Variants in UCP3 observed in about 807,000 individuals in gnomAD.
The protein encoded by UCP3 is uncoupling protein 3.
UCP3 carries 24 observed loss-of-function variants against 28.1 expected under a neutral mutation model. The observed-to-expected ratio is 0.85, with a 90% CI of 0.62 to 1.20. The LOEUF is 1.20. UCP3 is among the 50% of genes most tolerant of loss of function. UCP3 has a pLI of 0.00. For missense variants in UCP3, 397 were observed against 422.2 expected (o/e 0.94, Z 0.52); for synonymous variants, 184 against 171.2 (o/e 1.07, Z -0.59).
chr11:74,003,683 C>A, intron 6 of UCP3, 144 bp downstream of exon 6: 1 of 1,457,630 alleles, frequency 6.9e-7, no homozygotes, highest in Non-Finnish European at 9.0e-7. Context: ...CTTTTACTTG[C>A]ATGGTTTTTT....
chr11:74,003,420 T>A, intron 6 of UCP3: 3 of 985,544 alleles, frequency 3.0e-6, no homozygotes, highest in Non-Finnish European at 3.6e-6. Flanking sequence ...TGGCTAAAAT[T>A]GACAGCCTGT....
At position 74,006,154 on chromosome 11, in the gene UCP3, G is replaced by C. The variant is rs1451341684; in HGVS notation, c.337+15C>G. 6.2e-7 allele frequency: 1 copy of C among 1,613,888 alleles called. No individual in the cohort carries two copies. Among genetic ancestry groups the C allele is most frequent in the African/African-American group, 1.3e-5 (1 of 75,050 alleles). ...TTCAGCCACCCCTTTGGTGTTCAGG[G>C]ACCTGGTCACTCACTGTCCGCGCCT... On this transcript the variant is annotated intron_variant, in intron 3 of 6. Coordinates refer to ENST00000314032, the MANE Select transcript of UCP3 (RefSeq NM_003356.4).
chr11:74,006,137 C>T, intron 3 of UCP3, 32 bp downstream of exon 3: 1 of 1,612,668 alleles, frequency 6.2e-7, no homozygotes, highest in Non-Finnish European at 8.5e-7. Context: ...CTTTCAGCCA[C>T]CCCTTTGGTG....
chr11:74,007,556 C>T (rs1432709335), intron 1 of UCP3, among the ~76,000 whole-genome samples: 6 of 152,074 alleles, frequency 3.9e-5, no homozygotes, highest in African/African-American at 7.2e-5. Context: ...TTCAGCCTCC[C>T]GAGTAGCTGG....
Position 74,000,975 on chromosome 11 carries a change from A to G in UCP3, c.*437T>C, listed in dbSNP as rs647126. 116,802 of 204,644 alleles carry G rather than the reference A, an allele frequency of 0.57. 34,883 individuals are homozygous for G. Among genetic ancestry groups the G allele is most frequent in the African/African-American group, 0.78 (33,249 of 42,560 alleles). The allele number at this position is 204,644 out of a possible 1,614,324, so 12.7% of individuals were successfully genotyped here. A position where few individuals can be genotyped will look rare whatever the true frequency, so the allele number is the denominator to read the frequency against. ...CGCCAGCTCTGTGTTGCTGGGTGGC[A>G]TCCCTCCAGGCTCCGTGGCTGATCT... On this transcript the variant is annotated 3_prime_UTR_variant, in exon 7 of 7. Coordinates refer to ENST00000314032, the MANE Select transcript of UCP3 (RefSeq NM_003356.4).
chr11:74,006,409 C>A, intron 2 of UCP3, 30 bp from the exon 3 acceptor site: 1 of 1,511,076 alleles, frequency 6.6e-7, no homozygotes, highest in East Asian at 2.3e-5. Flanking sequence ...GGTGAGGACT[C>A]AGATGGGAAG....
intron 3 of UCP3, 102 bp from the exon 4 acceptor site, chr11:74,006,035 T>G (rs927279417): frequency 5.1e-6 from 8 of 1,559,766 alleles, no homozygotes; most frequent in Non-Finnish European, 7.0e-6. Flanking sequence ...TGATGTCCAC[T>G]CAGAGCCTCC....
In UCP3 at chr11:74,003,986, A is replaced by G; in HGVS notation, c.665T>C (p.Val222Ala). Residue 222 changes from valine to alanine, a missense_variant, in exon 6 of 7, where the codon GTC becomes GCC. Coordinates refer to ENST00000314032, the MANE Select transcript of UCP3 (RefSeq NM_003356.4). ...LLTDNFPCHFVSAFGAGFCAT... is the reference protein window; with the variant it reads ...LLTDNFPCHFASAFGAGFCAT... ...ACAGAAGCCGGCTCCAAAGGCAGAG[A>G]CAAAGTGGCAGGGGAAGTTGTCTGC... The G allele has an allele frequency of 6.2e-7, 1 of 1,614,076 alleles. No homozygotes were observed. The highest frequency in any genetic ancestry group is 1.1e-5 in the South Asian group (1 of 91,090).
At chr11:74,006,512 C>A in intron 2 of UCP3, 133 bp from the exon 3 acceptor site, 2 of 902,904 alleles carry the variant, frequency 2.2e-6, no homozygotes, top group Non-Finnish European at 3.3e-6. Context: ...GTAGAAATCA[C>A]TGGTGTCTGC....
chr11:74,003,387 G>T, intron 6 of UCP3: 1 of 890,646 alleles, frequency 1.1e-6, no homozygotes, highest in Non-Finnish European at 1.3e-6. Flanking sequence ...GGAGGAGGTG[G>T]CATTTGAACT....
At chr11:74,001,583 C>G (rs1020911427) in intron 6 of UCP3, 57 bp from the exon 7 acceptor site, 2 of 1,471,620 alleles carry the variant, frequency 1.4e-6, no homozygotes, top group East Asian at 4.5e-5. Flanking sequence ...ACAACAGATG[C>G]GTGTGCTCTC....
At chr11:74,007,552 C>T (rs1172950100) in intron 1 of UCP3, among the ~76,000 whole-genome samples, 2 of 152,136 alleles carry the variant, frequency 1.3e-5, no homozygotes, top group Non-Finnish European at 2.9e-5. Context: ...CACCTTCAGC[C>T]TCCCGAGTAG....
Position 74,005,871 on chromosome 11 carries a change from C to A in UCP3, c.400G>T (p.Ala134Ser). Residue 134 changes from alanine to serine, a missense_variant, in exon 4 of 7, where the codon GCC becomes TCC. Transcript: ENST00000314032. ...CTTGAMAVTC[A>S]QPTDVVKVRF... is the part of the protein sequence containing the mutation. ...ACCTTCACCACATCTGTGGGCTGGG[C>A]ACAGGTCACCGCCATGGCTCCTGTG... 9.3e-6 allele frequency: 15 copies of A among 1,614,192 alleles called. No homozygotes were observed. The highest frequency in any genetic ancestry group is 1.3e-5 in the Non-Finnish European group (15 of 1,180,038).
At position 74,004,536 on chromosome 11, in the gene UCP3, C is replaced by A. The variant is rs149193327; in HGVS notation, c.591G>T (p.Val197=). ...MRNAIVNCAE[V]VTYDILKEKL... ...TCTCCTTGAGGATGTCGTAGGTCAC[C>A]ACCTCAGCACAGTTGACGATAGCAT... is the stretch of plus-strand genomic sequence containing the variant. Residue 197 remains valine (V), a synonymous_variant, in exon 5 of 7, where the codon GTG becomes GTT. Coordinates refer to ENST00000314032, the MANE Select transcript of UCP3 (RefSeq NM_003356.4). 110 of 1,614,074 alleles carry A rather than the reference C, an allele frequency of 6.8e-5. No individual in the cohort carries two copies. The Middle Eastern group carries it at 1.2e-3, about 17-fold the overall frequency.
intron 4 of UCP3, among the ~76,000 whole-genome samples, chr11:74,005,294 G>A (rs564032921): frequency 4.6e-5 from 7 of 152,078 alleles, no homozygotes; most frequent in African/African-American, 7.2e-5. Context: ...TTTTTCCTCC[G>A]GACCCTGCTT....
chr11:74,003,883 G>A lies in UCP3; in HGVS notation c.768C>T (p.Pro256=), dbSNP rs1565190616. 7 of 1,614,148 alleles carry A rather than the reference G, an allele frequency of 4.3e-6. No homozygotes were observed. Among genetic ancestry groups the A allele is most frequent in the Non-Finnish European group, 5.1e-6 (6 of 1,180,016 alleles). Residue 256 remains proline, a synonymous_variant, in exon 6 of 7, where the codon CCC becomes CCT. Transcript: ENST00000314032. ...MNSPPGQYFS[P]LDCMIKMVAQ... is the part of the protein sequence containing the mutation. Reference sequence around the variant, plus strand: ...CCACCATCTTTATCATACAGTCGAGGGGGCTGAAGTACTGGCCTGGAGGTG... The same window carrying A: ...CCACCATCTTTATCATACAGTCGAGAGGGCTGAAGTACTGGCCTGGAGGTG...
chr11:74,005,016 AG>A (rs1399710640), intron 4 of UCP3, among the ~76,000 whole-genome samples: 1 of 152,224 alleles, frequency 6.6e-6, no homozygotes, highest in African/African-American at 2.4e-5. Flanking sequence ...CTGGTTTCAC[AG>A]GTAAGGGGAC....
At chr11:74,006,429 G>C (rs1297454513) in intron 2 of UCP3, 50 bp from the exon 3 acceptor site, 2 of 1,471,988 alleles carry the variant, frequency 1.4e-6, no homozygotes, top group African/African-American at 2.8e-5. Context: ...GGCAAGAAGG[G>C]GCTGCGTGCA....
At position 74,006,980 on chromosome 11, in the gene UCP3, G is replaced by T. The variant is rs181883754; in HGVS notation, c.63C>A (p.Gly21=). Residue 21 remains glycine, a synonymous_variant, in exon 2 of 7, where the codon GGC becomes GGA. Transcript: ENST00000314032. Reference sequence around the variant, plus strand: ...CGAGGTCAGCAAAACAGGCTGCTGTGCCTGCCCCCAGGAACTTCACAGCCA... The same window carrying T: ...CGAGGTCAGCAAAACAGGCTGCTGTTCCTGCCCCCAGGAACTTCACAGCCA... ...PTMAVKFLGA[G]TAACFADLVT... 1 of 1,614,072 alleles carries T rather than the reference G, an allele frequency of 6.2e-7. No individual in the cohort carries two copies. The highest frequency in any genetic ancestry group is 8.5e-7 in the Non-Finnish European group (1 of 1,180,034).
Sources: allele counts gnomAD v4.1 joint callset (sites outside exome capture counted in the v4.1 genomes callset), GRCh38; gene constraint gnomAD v4.1.1; transcripts MANE v1.5; gene names NCBI Gene and HGNC (gene_info 2026-07-23, HGNC 2026-07-21).